Variants in ADCY8 observed in about 807,000 individuals in gnomAD.
ADCY8 encodes adenylate cyclase type 8.
Under a neutral mutation model 119.7 loss-of-function variants are expected in ADCY8, and 51 were observed. The observed-to-expected ratio is 0.43, with a 90% CI of 0.34 to 0.54. The LOEUF (loss-of-function observed/expected upper bound fraction) is 0.54, where lower values mean the gene tolerates loss of function less well. ADCY8 is among the 20% of genes least tolerant of loss of function. The pLI is 0.03. For missense variants in ADCY8, 1,383 were observed against 1,598.8 expected (o/e 0.87, Z 2.30); for synonymous variants, 665 against 651.0 (o/e 1.02, Z -0.33).
intron 12 of ADCY8, 28 bp from the exon 13 acceptor site, chr8:130,821,448 C>A: frequency 6.4e-7 from 1 of 1,574,482 alleles, no homozygotes; most frequent in Middle Eastern, 1.7e-4. Context: ...GAACTGATAA[C>A]CATGGGGGGA....
At chr8:130,781,038 G>C (rs1181971935) in intron 17 of ADCY8, among the ~76,000 whole-genome samples, 161 bp from the exon 18 acceptor site, 1 of 152,126 alleles carries the variant, frequency 6.6e-6, no homozygotes, top group Admixed American at 6.5e-5. Context: ...TATCACCTGG[G>C]TCAGTTAATT....
chr8:130,924,285 C>T lies in ADCY8; in HGVS notation c.1481+12788G>A, dbSNP rs146507795. On this transcript the variant is annotated intron_variant, in intron 5 of 17. Transcript: ENST00000286355. ...GGGTGACCCTATGGTCTAAGAAGAGCGTTAGTTTGGAGTTCCAAGCTAAGG... is the reference window on the plus strand; with the variant it reads ...GGGTGACCCTATGGTCTAAGAAGAGTGTTAGTTTGGAGTTCCAAGCTAAGG... Among the ~76,000 whole-genome samples, 310 of 152,198 alleles carry T rather than the reference C, an allele frequency of 2.0e-3. 1 individual carries two copies. Among genetic ancestry groups the T allele is most frequent in the African/African-American group, 7.1e-3 (296 of 41,526 alleles).
At position 130,849,637 on chromosome 8, in the gene ADCY8, T is replaced by C. The variant is rs752386948; in HGVS notation, c.2377A>G (p.Ile793Val). ...ATGGCACCCAGGAAATTAATCAAAA[T>C]GGATGCAAAGATGATGACGTTCCGG... ...LARNVIIFAS[I>V]LINFLGAILN... Residue 793 changes from isoleucine (I) to valine (V), a missense_variant, in exon 10 of 18, where the codon ATT (isoleucine) becomes GTT (valine). Ile to Val is a conservative substitution (Grantham distance 29). Around this residue, in one of 2 missense-constraint regions of ADCY8, gnomAD observed 928 missense variants for 1,163.5 expected, o/e 0.80. Transcript: ENST00000286355. 5 of 1,613,974 alleles carry C rather than the reference T, an allele frequency of 3.1e-6. No homozygotes were observed. The highest frequency in any genetic ancestry group is 4.2e-6 in the Non-Finnish European group (5 of 1,179,894).
chr8:130,832,014 C>A (rs1406040200), intron 12 of ADCY8, among the ~76,000 whole-genome samples: 1 of 152,178 alleles, frequency 6.6e-6, no homozygotes, highest in Non-Finnish European at 1.5e-5. Flanking sequence ...ATGAGAAAAA[C>A]AGGGCTTAGA....
chr8:130,813,756 G>A (rs1816248041), intron 14 of ADCY8, among the ~76,000 whole-genome samples: 1 of 151,920 alleles, frequency 6.6e-6, no homozygotes, highest in Admixed American at 6.6e-5. Flanking sequence ...AAGTGAAATT[G>A]TTGTGTATAT....
intron 3 of ADCY8, 35 bp from the exon 4 acceptor site, chr8:130,943,497 G>GGGGCCCCC: frequency 2.0e-6 from 1 of 491,356 alleles, no homozygotes; most frequent in East Asian, 5.4e-5. Flanking sequence ...GTGGGGGGAG[G>GGGGCCCCC]AAGTATATTA....
chr8:130,960,703 T>C (rs1041835818), intron 2 of ADCY8, among the ~76,000 whole-genome samples: 3 of 151,984 alleles, frequency 2.0e-5, no homozygotes, highest in South Asian at 2.1e-4. Context: ...CTAAAGTAGA[T>C]TGAATACAAA....
intron 6 of ADCY8, among the ~76,000 whole-genome samples, chr8:130,907,535 C>A (rs554049217): frequency 6.6e-6 from 1 of 152,116 alleles, no homozygotes; most frequent in Admixed American, 6.6e-5. Flanking sequence ...ATTTTTAAGG[C>A]GGATAATGTT....
intron 14 of ADCY8, among the ~76,000 whole-genome samples, chr8:130,811,420 A>T (rs1816162626): frequency 6.6e-6 from 1 of 152,186 alleles, no homozygotes; most frequent in South Asian, 2.1e-4. Flanking sequence ...TCATAAATTA[A>T]CTATAAACCA....
intron 5 of ADCY8, among the ~76,000 whole-genome samples, chr8:130,922,211 T>TC (rs1223137818): frequency 4.0e-5 from 6 of 150,314 alleles, no homozygotes; most frequent in African/African-American, 1.5e-4. Flanking sequence ...TCCCTTTCTT[T>TC]TTTTTTTTTT....
intron 9 of ADCY8, among the ~76,000 whole-genome samples, chr8:130,866,239 C>A (rs1229357972): frequency 6.6e-6 from 1 of 152,028 alleles, no homozygotes; most frequent in Non-Finnish European, 1.5e-5. Flanking sequence ...TCTGTCCCAT[C>A]ATCTTCCCGG....
intron 1 of ADCY8, among the ~76,000 whole-genome samples, chr8:131,007,407 G>A (rs1823155177): frequency 1.3e-5 from 2 of 152,070 alleles, no homozygotes; most frequent in Non-Finnish European, 2.9e-5. Flanking sequence ...GAGGTTTTTG[G>A]TTGTCACATC....
chr8:130,791,927 T>C (rs1815437579), intron 15 of ADCY8, among the ~76,000 whole-genome samples: 1 of 152,234 alleles, frequency 6.6e-6, no homozygotes, highest in African/African-American at 2.4e-5. Context: ...CCTACAGCAG[T>C]CTTTCTTGAC....
intron 14 of ADCY8, among the ~76,000 whole-genome samples, chr8:130,812,955 T>TC (rs1327417375): frequency 6.6e-6 from 1 of 151,758 alleles, no homozygotes. Context: ...TTGATCTTTT[T>TC]TTTTTTTTTT....
chr8:130,817,256 A>G (rs1211415828), intron 13 of ADCY8, among the ~76,000 whole-genome samples: 1 of 152,228 alleles, frequency 6.6e-6, no homozygotes, highest in African/African-American at 2.4e-5. Flanking sequence ...AAGTTAAGTC[A>G]AAAGCTTGTG....
rs138564467 is a variant in ADCY8, at chr8:130,805,729, G to A, written c.2914-5157C>T. Among the ~76,000 whole-genome samples, 204 of 152,326 alleles carry A rather than the reference G, an allele frequency of 1.3e-3. 2 individuals are homozygous for A. Among genetic ancestry groups the A allele is most frequent in the African/African-American group, 4.6e-3 (191 of 41,578 alleles). ...AAATGGGAACCTTTAGCTCCTTCCT[G>A]TGAGACAGAGTGGGACTGAGCTAAT... On this transcript the variant is annotated intron_variant, in intron 14 of 17. Coordinates refer to ENST00000286355, the MANE Select transcript of ADCY8 (RefSeq NM_001115.3).
intron 2 of ADCY8, among the ~76,000 whole-genome samples, chr8:130,977,442 CA>C (rs1822106714): frequency 6.6e-6 from 1 of 152,134 alleles, no homozygotes; most frequent in Non-Finnish European, 1.5e-5. Context: ...TTTCATACTC[CA>C]AACATCTCTA....
chr8:130,849,460 C>A lies in ADCY8; in HGVS notation c.2412+142G>T, dbSNP rs538912938. 9.0e-5 allele frequency: 73 copies of A among 810,192 alleles called. No homozygotes were observed. In the African/African-American group the frequency reaches 1.2e-3, roughly 13 times the overall value. 50.2% of individuals were successfully genotyped at this position (810,192 alleles called of 1,614,324 possible). A position where few individuals can be genotyped will look rare whatever the true frequency, so the allele number is the denominator to read the frequency against. ...TTGGCAGTAGCCACATCTTTGTTAT[C>A]TGTCCCTAAGCTTGGGGCTGGACCA... On this transcript the variant is annotated intron_variant, in intron 10 of 17. Coordinates refer to ENST00000286355, the MANE Select transcript of ADCY8 (RefSeq NM_001115.3).
intron 13 of ADCY8, among the ~76,000 whole-genome samples, chr8:130,816,654 T>A (rs997475060): frequency 6.6e-6 from 1 of 152,064 alleles, no homozygotes; most frequent in Non-Finnish European, 1.5e-5. Context: ...CTTGATCTCC[T>A]GACCTCGTGA....
Sources: gnomAD v4.1 joint callset for allele counts (sites outside exome capture counted in the v4.1 genomes callset) on GRCh38, gnomAD v4.1.1 for gene constraint, gnomAD v4.1.1 regional missense constraint, MANE v1.5 for transcripts, NCBI Gene and HGNC (gene_info 2026-07-23, HGNC 2026-07-21) for gene names.